The following MYO16 variants were observed in gnomAD, a reference collection of about 807,000 sequenced individuals.
The protein encoded by MYO16 is unconventional myosin-XVI.
MYO16 carries 94 observed loss-of-function variants against 205.3 expected under a neutral mutation model. That is an observed-to-expected ratio of 0.46 (90% confidence interval 0.39 to 0.54). MYO16 has a LOEUF of 0.54. Ranked by LOEUF, MYO16 falls within the 20% of genes least tolerant of loss-of-function variation. The pLI, the probability that MYO16 is intolerant of heterozygous loss-of-function variation, is 0.00. For synonymous variants in MYO16, 988 were observed against 954.0 expected (o/e 1.04, Z -0.66); for missense variants, 2,315 against 2,387.5 (o/e 0.97, Z 0.63).
intron 2 of MYO16, among the ~76,000 whole-genome samples, chr13:108,700,072 C>A (rs547347963): frequency 6.2e-4 from 95 of 152,116 alleles, no homozygotes; most frequent in African/African-American, 1.5e-3. Flanking sequence ...GTGGTTCATG[C>A]CTATAATCCC....
At chr13:108,794,146 G>C (rs1403802819) in intron 6 of MYO16, among the ~76,000 whole-genome samples, 1 of 152,186 alleles carries the variant, frequency 6.6e-6, no homozygotes, top group Non-Finnish European at 1.5e-5. Context: ...TGGACACAAA[G>C]AAGGAGACGA....
chr13:108,516,295 G>T, the MYO16 span, among the ~76,000 whole-genome samples: 2 of 151,586 alleles, frequency 1.3e-5, no homozygotes, highest in Non-Finnish European at 2.9e-5. Context: ...CTGACCCCTT[G>T]CGCTTCCCAG....
chr13:108,928,182 GGA>G (rs1882094581), intron 16 of MYO16, among the ~76,000 whole-genome samples: 1 of 152,192 alleles, frequency 6.6e-6, no homozygotes, highest in Non-Finnish European at 1.5e-5. Context: ...TGGGCCACAG[GGA>G]GAGATGGGCA....
At chr13:108,902,625 C>T (rs1281243465) in intron 15 of MYO16, among the ~76,000 whole-genome samples, 2 of 152,176 alleles carry the variant, frequency 1.3e-5, no homozygotes, top group African/African-American at 4.8e-5. Context: ...CCTGCCCATT[C>T]CTAGCTCTGA....
At chr13:109,077,852 A>G (rs1258728626) in intron 27 of MYO16, among the ~76,000 whole-genome samples, 2 of 152,112 alleles carry the variant, frequency 1.3e-5, no homozygotes, top group African/African-American at 4.8e-5. Context: ...AAAATTTTTC[A>G]AATATTTTTT....
the MYO16 span, among the ~76,000 whole-genome samples, chr13:108,519,663 A>C: frequency 1.3e-5 from 2 of 151,020 alleles, no homozygotes; most frequent in Non-Finnish European, 3.0e-5. Context: ...ACACACACAC[A>C]CCCCACCAGA....
the MYO16 span, among the ~76,000 whole-genome samples, chr13:108,588,325 G>A: frequency 6.6e-6 from 1 of 152,100 alleles, no homozygotes; most frequent in Non-Finnish European, 1.5e-5. Context: ...TATTTCCTAG[G>A]CTGTACTGGT....
chr13:109,146,506 G>A (rs538565989), intron 32 of MYO16, among the ~76,000 whole-genome samples: 105 of 152,222 alleles, frequency 6.9e-4, no homozygotes, highest in Admixed American at 2.3e-3. Context: ...AAATCAGCCA[G>A]GCATGGTGGT....
chr13:108,653,194 A>G (rs1881089447), intron 1 of MYO16, among the ~76,000 whole-genome samples: 1 of 152,198 alleles, frequency 6.6e-6, no homozygotes, highest in Non-Finnish European at 1.5e-5. Flanking sequence ...ATCTTTGGAA[A>G]AATATCTATT....
chr13:108,665,585 A>G (rs969071237), intron 1 of MYO16, among the ~76,000 whole-genome samples: 1 of 152,230 alleles, frequency 6.6e-6, no homozygotes, highest in Non-Finnish European at 1.5e-5. Flanking sequence ...TGAAATCTGG[A>G]GGCTTTTGGG....
chr13:108,637,079 T>C (rs1357570734), intron 1 of MYO16, among the ~76,000 whole-genome samples: 1 of 152,220 alleles, frequency 6.6e-6, no homozygotes, highest in Non-Finnish European at 1.5e-5. Context: ...TCTATATATG[T>C]ATGCATATAT....
At chr13:108,541,328 T>C in the MYO16 span, among the ~76,000 whole-genome samples, 4 of 151,446 alleles carry the variant, frequency 2.6e-5, no homozygotes, top group Non-Finnish European at 5.9e-5. Context: ...GATACATGTA[T>C]TAATTCATAG....
intron 14 of MYO16, among the ~76,000 whole-genome samples, chr13:108,896,394 A>G (rs1281708023): frequency 1.3e-5 from 2 of 152,308 alleles, no homozygotes; most frequent in East Asian, 3.9e-4. Flanking sequence ...CCCAGAAAAC[A>G]TTGCTATCAT....
the MYO16 span, among the ~76,000 whole-genome samples, chr13:108,567,922 AC>A: frequency 6.6e-6 from 1 of 152,016 alleles, no homozygotes; most frequent in Non-Finnish European, 1.5e-5. Context: ...AGATTTCCTC[AC>A]CTATACTGAA....
At chr13:108,946,953 A>G (rs1359010952) in intron 16 of MYO16, among the ~76,000 whole-genome samples, 1 of 152,120 alleles carries the variant, frequency 6.6e-6, no homozygotes, top group Non-Finnish European at 1.5e-5. Context: ...ATTTTCTTTT[A>G]GTCCTGCTAA....
chr13:109,116,932 C>G (rs1227097888), intron 28 of MYO16, among the ~76,000 whole-genome samples: 2 of 152,218 alleles, frequency 1.3e-5, no homozygotes, highest in East Asian at 3.9e-4. Context: ...TGTAGTGATG[C>G]CTAAGCAAAT....
intron 15 of MYO16, among the ~76,000 whole-genome samples, chr13:108,901,700 C>T (rs1880719849): frequency 6.6e-6 from 1 of 152,198 alleles, no homozygotes; most frequent in Non-Finnish European, 1.5e-5. Context: ...GTTCTTATCA[C>T]TTGTATTTGT....
At chr13:108,704,342 A>G (rs944807952) in intron 2 of MYO16, among the ~76,000 whole-genome samples, 2 of 152,230 alleles carry the variant, frequency 1.3e-5, no homozygotes, top group Non-Finnish European at 2.9e-5. Context: ...AGAGAATTTT[A>G]TAGCTATAAA....
At chr13:108,937,656 A>T (rs540425881) in intron 16 of MYO16, among the ~76,000 whole-genome samples, 4 of 152,204 alleles carry the variant, frequency 2.6e-5, no homozygotes, top group East Asian at 1.9e-4. Context: ...ATCTATTGAT[A>T]AAGCTTTCAG....
Sources: gnomAD v4.1 joint callset for allele counts (sites outside exome capture counted in the v4.1 genomes callset) on GRCh38, gnomAD v4.1.1 for gene constraint, MANE v1.5 for transcripts, NCBI Gene and HGNC (gene_info 2026-07-23, HGNC 2026-07-21) for gene names.